Variants in LSAMP observed in about 807,000 individuals in gnomAD.
LSAMP encodes the protein limbic system-associated membrane protein.
A neutral mutation model predicts 38.6 loss-of-function variants in LSAMP; 7 were observed. That is an observed-to-expected ratio of 0.18 (90% CI 0.10 to 0.34). The LOEUF (loss-of-function observed/expected upper bound fraction) is 0.34, where lower values mean the gene tolerates loss of function less well. Ranked by LOEUF, LSAMP falls within the 10% of genes least tolerant of loss-of-function variation. LSAMP has a pLI of 1.00. For missense variants in LSAMP, 313 were observed against 420.0 expected, an observed-to-expected ratio of 0.75 and a Z score of 2.23; for synonymous variants, 154 against 166.8, an observed-to-expected ratio of 0.92 and a Z score of 0.59.
At chr3:116,066,493 C>T (rs1325986490) in intron 2 of LSAMP, among the ~76,000 whole-genome samples, 1 of 152,160 alleles carries the variant, frequency 6.6e-6, no homozygotes, top group Non-Finnish European at 1.5e-5. Context: ...ATATTTCTGT[C>T]AGATATTATT....
At chr3:116,305,379 T>A (rs1482560857) in intron 1 of LSAMP, among the ~76,000 whole-genome samples, 1 of 152,204 alleles carries the variant, frequency 6.6e-6, no homozygotes, top group African/African-American at 2.4e-5. Flanking sequence ...ACTTAGTTCA[T>A]CTTGAATAAA....
intron 3 of LSAMP, among the ~76,000 whole-genome samples, chr3:115,978,234 A>T (rs1345503956): frequency 6.6e-6 from 1 of 152,166 alleles, no homozygotes; most frequent in East Asian, 1.9e-4. Context: ...TATGCCCTCT[A>T]TAAAAAAAGA....
chr3:115,861,195 TTCC>T (rs1935687547), intron 3 of LSAMP, among the ~76,000 whole-genome samples: 6 of 104,622 alleles, frequency 5.7e-5, no homozygotes, highest in Non-Finnish European at 5.7e-5. Flanking sequence ...CCTTCCTTCC[TTCC>T]TTCCTTCCTT....
chr3:116,403,578 G>C (rs1396207129), intron 1 of LSAMP, among the ~76,000 whole-genome samples: 1 of 152,042 alleles, frequency 6.6e-6, no homozygotes, highest in African/African-American at 2.4e-5. Flanking sequence ...ATAAAATTTA[G>C]CTAAAAGTCT....
At chr3:116,203,875 C>A (rs186065238) in intron 1 of LSAMP, among the ~76,000 whole-genome samples, 88 of 152,228 alleles carry the variant, frequency 5.8e-4, no homozygotes, top group Middle Eastern at 3.4e-3. Flanking sequence ...GTGCATGTGT[C>A]TTTATAGCAG....
intron 1 of LSAMP, among the ~76,000 whole-genome samples, chr3:116,253,750 C>G (rs1446068940): frequency 6.6e-6 from 1 of 152,078 alleles, no homozygotes; most frequent in African/African-American, 2.4e-5. Flanking sequence ...ATAAATCCGA[C>G]AAAGTTTAAA....
Position 116,210,643 on chromosome 3 carries a change from T to A in LSAMP, c.156-124087A>T, listed in dbSNP as rs113924801. ...TTATTGTGGGACTTCACTTTGTGAT[T>A]GTGTGAGCCAATTCTCCTAATAAAC... On this transcript the variant is annotated intron_variant, in intron 1 of 6. Transcript: ENST00000490035. Among the ~76,000 whole-genome samples the A allele has an allele frequency of 4.3e-3, 661 of 152,334 alleles. 7 individuals carry two copies. Among genetic ancestry groups the A allele is most frequent in the African/African-American group, 0.015 (623 of 41,580 alleles).
chr3:116,101,751 A>AT, intron 1 of LSAMP, among the ~76,000 whole-genome samples: 2 of 152,298 alleles, frequency 1.3e-5, no homozygotes, highest in Non-Finnish European at 2.9e-5. Flanking sequence ...CATAACTCAA[A>AT]TTCTAAAAAT....
intron 1 of LSAMP, among the ~76,000 whole-genome samples, chr3:116,192,231 C>T (rs1710770066): frequency 1.3e-5 from 2 of 152,088 alleles, no homozygotes; most frequent in East Asian, 1.9e-4. Flanking sequence ...TCTGATTGTT[C>T]CGATCAGTGA....
intron 1 of LSAMP, among the ~76,000 whole-genome samples, chr3:116,169,954 G>A (rs1576408423): frequency 2.0e-5 from 3 of 152,022 alleles, no homozygotes; most frequent in Admixed American, 6.5e-5. Context: ...ACCAGTGATG[G>A]GCACTAACAA....
At chr3:116,375,569 G>T (rs893566794) in intron 1 of LSAMP, among the ~76,000 whole-genome samples, 1 of 151,590 alleles carries the variant, frequency 6.6e-6, no homozygotes, top group Non-Finnish European at 1.5e-5. Flanking sequence ...AAATGTCATA[G>T]TATACATAAA....
At chr3:116,084,442 T>C (rs186100896) in intron 2 of LSAMP, among the ~76,000 whole-genome samples, 199 of 141,782 alleles carry the variant, frequency 1.4e-3, no homozygotes, top group Admixed American at 2.4e-3. Context: ...TAAATTAGTC[T>C]TTAAAATCAT....
intron 3 of LSAMP, among the ~76,000 whole-genome samples, chr3:115,965,647 T>C (rs1355299757): frequency 6.7e-6 from 1 of 150,320 alleles, no homozygotes; most frequent in East Asian, 1.9e-4. Flanking sequence ...GGTAAAGGGT[T>C]ATTTTCTATA....
At chr3:116,386,817 G>A (rs1426058433) in intron 1 of LSAMP, among the ~76,000 whole-genome samples, 2 of 152,158 alleles carry the variant, frequency 1.3e-5, no homozygotes, top group African/African-American at 4.8e-5. Flanking sequence ...TCCATCTGGA[G>A]CCTGCAGGGA....
At chr3:116,283,680 T>C (rs1443596359) in intron 1 of LSAMP, among the ~76,000 whole-genome samples, 6 of 152,202 alleles carry the variant, frequency 3.9e-5, no homozygotes, top group Non-Finnish European at 7.3e-5. Context: ...TGGCTTATAA[T>C]GAACCCTATG....
intron 1 of LSAMP, among the ~76,000 whole-genome samples, chr3:116,274,559 A>C (rs956500907): frequency 1.3e-5 from 2 of 152,166 alleles, no homozygotes; most frequent in African/African-American, 4.8e-5. Flanking sequence ...AAACACACAT[A>C]TTGAAGGTCT....
chr3:115,914,579 C>T (rs1370572634), intron 3 of LSAMP, among the ~76,000 whole-genome samples: 1 of 152,172 alleles, frequency 6.6e-6, no homozygotes, highest in Admixed American at 6.5e-5. Flanking sequence ...ATTGTTTTAA[C>T]AAGTACCGGG....
intron 3 of LSAMP, among the ~76,000 whole-genome samples, chr3:115,861,783 T>C (rs894599205): frequency 2.6e-5 from 4 of 151,932 alleles, no homozygotes; most frequent in African/African-American, 9.7e-5. Flanking sequence ...GAGTATATTC[T>C]ATAGGTACTT....
At chr3:116,416,475 G>A (rs990736834) in intron 1 of LSAMP, among the ~76,000 whole-genome samples, 1 of 152,110 alleles carries the variant, frequency 6.6e-6, no homozygotes, top group African/African-American at 2.4e-5. Flanking sequence ...AAAGAACAAT[G>A]GAGTTAGAAA....
Sources: gnomAD v4.1 joint callset for allele counts (sites outside exome capture counted in the v4.1 genomes callset) on GRCh38, gnomAD v4.1.1 for gene constraint, MANE v1.5 for transcripts, NCBI Gene and HGNC (gene_info 2026-07-23, HGNC 2026-07-21) for gene names.